Variants in AKAP6 observed in about 807,000 individuals in gnomAD.
The protein encoded by AKAP6 is A-kinase anchor protein 6.
In AKAP6, 58 loss-of-function variants were observed where a neutral mutation model predicts 188.5. The observed-to-expected ratio is 0.31, with a 90% CI of 0.25 to 0.38. The LOEUF is 0.38. Ranked by LOEUF, AKAP6 falls within the 10% of genes least tolerant of loss-of-function variation. AKAP6 has a pLI of 1.00. For synonymous variants in AKAP6, 989 were observed against 998.6 expected, an observed-to-expected ratio of 0.99 and a Z score of 0.18; for missense variants, 2,710 against 2,740.0, an observed-to-expected ratio of 0.99 and a Z score of 0.24.
intron 1 of AKAP6, among the ~76,000 whole-genome samples, chr14:32,338,525 T>A (rs983968604): frequency 3.3e-5 from 5 of 152,040 alleles, no homozygotes; most frequent in African/African-American, 9.7e-5. Flanking sequence ...GAGCAAGAGA[T>A]TAGTGGTAGG....
chr14:32,735,989 C>T (rs550063297), intron 11 of AKAP6, 107 bp downstream of exon 11: 161 of 814,830 alleles, frequency 2.0e-4, no homozygotes, highest in Non-Finnish European at 2.8e-4. Flanking sequence ...TATCACTGTG[C>T]ACCTAAATGT....
intron 7 of AKAP6, among the ~76,000 whole-genome samples, chr14:32,625,271 T>C (rs1017984838): frequency 6.6e-6 from 1 of 152,122 alleles, no homozygotes; most frequent in Non-Finnish European, 1.5e-5. Context: ...TTAAGCTCAA[T>C]TACACATCCA....
At chr14:32,769,949 T>C (rs909004697) in intron 11 of AKAP6, among the ~76,000 whole-genome samples, 1 of 152,188 alleles carries the variant, frequency 6.6e-6, no homozygotes, top group Non-Finnish European at 1.5e-5. Flanking sequence ...ATGCACATAT[T>C]TGATATATAA....
chr14:32,470,981 T>C (rs559739065), intron 2 of AKAP6, among the ~76,000 whole-genome samples: 21 of 152,338 alleles, frequency 1.4e-4, no homozygotes, highest in African/African-American at 4.8e-4. Context: ...ATACTTTAGA[T>C]ACATGAGGAT....
At chr14:32,558,782 C>T (rs1480957768) in intron 4 of AKAP6, among the ~76,000 whole-genome samples, 1 of 152,146 alleles carries the variant, frequency 6.6e-6, no homozygotes, top group Non-Finnish European at 1.5e-5. Flanking sequence ...CCACCAATAC[C>T]ATGTCTGCAT....
rs771212751 is a variant in AKAP6, at chr14:32,478,640, G to A, written c.324+44823G>A. Among the ~76,000 whole-genome samples, 7 of 152,182 alleles carry A rather than the reference G, an allele frequency of 4.6e-5. No homozygotes were observed. In the South Asian group the frequency reaches 8.3e-4, roughly 18 times the overall value. ...TGAAATATAGGTCTGCTCAAGGCTC[G>A]TCAGGGGAAAGAAGGTGAACATTCA... On this transcript the variant is annotated intron_variant, in intron 2 of 13. Transcript: ENST00000280979.
chr14:32,561,748 G>A lies in AKAP6; in HGVS notation c.2346+14749G>A, dbSNP rs539791224. ...AAGATGCCAAGAGACCAGGGCCAGT[G>A]GTGACAGTAAACAAGTGAGTTACCC... On this transcript the variant is annotated intron_variant, in intron 4 of 13. Coordinates refer to ENST00000280979, the MANE Select transcript of AKAP6 (RefSeq NM_004274.5). Among the ~76,000 whole-genome samples the A allele has an allele frequency of 9.4e-4, 143 of 152,300 alleles. 1 individual carries two copies. The highest frequency in any genetic ancestry group is 2.5e-3 in the African/African-American group (105 of 41,568).
At chr14:32,507,153 C>T (rs1241826840) in intron 2 of AKAP6, among the ~76,000 whole-genome samples, 2 of 152,124 alleles carry the variant, frequency 1.3e-5, no homozygotes, top group African/African-American at 2.4e-5. Flanking sequence ...CCAACAATTG[C>T]TTGTTATTTG....
chr14:32,443,505 C>T (rs1036732937), intron 2 of AKAP6, among the ~76,000 whole-genome samples: 1 of 152,202 alleles, frequency 6.6e-6, no homozygotes, highest in African/African-American at 2.4e-5. Context: ...ACCCAGACAT[C>T]AGTCTTTTAA....
chr14:32,424,846 T>G (rs1446738683), intron 1 of AKAP6, among the ~76,000 whole-genome samples: 1 of 152,244 alleles, frequency 6.6e-6, no homozygotes, highest in Non-Finnish European at 1.5e-5. Flanking sequence ...TTCTTTTCTA[T>G]GGCTGCATAG....
rs1201015892 is a variant in AKAP6 at position 32,546,717 on chromosome 14, G to C, written c.2064G>C (p.Lys688Asn). Residue 688 changes from lysine (K) to asparagine (N), a missense_variant, in exon 4 of 14, where the codon AAG (lysine) becomes AAC (asparagine). Transcript: ENST00000280979. ...TCTATCCAACCTATCATGTCAAAAAGAAGCATACAAGGCTAGGCAGGGTGT... is the reference window on the plus strand; with the variant it reads ...TCTATCCAACCTATCATGTCAAAAACAAGCATACAAGGCTAGGCAGGGTGT... ...SEIYPTYHVK[K>N]KHTRLGRVSP... 5 of 1,613,980 alleles carry C rather than the reference G, an allele frequency of 3.1e-6. No individual in the cohort carries two copies. In the East Asian group the frequency reaches 8.9e-5, roughly 29 times the overall value.
At chr14:32,615,695 A>G (rs1594784556) in intron 7 of AKAP6, among the ~76,000 whole-genome samples, 1 of 145,850 alleles carries the variant, frequency 6.9e-6, no homozygotes, top group African/African-American at 2.6e-5. Flanking sequence ...TCTCAGGTTC[A>G]CGCCATTCTC....
intron 7 of AKAP6, among the ~76,000 whole-genome samples, chr14:32,674,039 G>T: frequency 6.6e-6 from 1 of 152,242 alleles, no homozygotes; most frequent in East Asian, 1.9e-4. Context: ...TCTCTGAGAA[G>T]TAGCATATCA....
intron 12 of AKAP6, among the ~76,000 whole-genome samples, chr14:32,818,390 GTTTA>G (rs2034440046): frequency 6.6e-6 from 1 of 151,932 alleles, no homozygotes; most frequent in Non-Finnish European, 1.5e-5. Flanking sequence ...ATATAAAATG[GTTTA>G]TTATTTGCAT....
intron 11 of AKAP6, among the ~76,000 whole-genome samples, chr14:32,750,827 C>T (rs147863668): frequency 0.086 from 12,939 of 150,776 alleles, 577 homozygotes; most frequent in East Asian, 0.12. Context: ...ACTGCAAGCC[C>T]GGGTTCACCC....
chr14:32,676,407 G>T (rs1166841554), intron 7 of AKAP6, among the ~76,000 whole-genome samples: 1 of 151,984 alleles, frequency 6.6e-6, no homozygotes, highest in African/African-American at 2.4e-5. Flanking sequence ...AAACCTCTTA[G>T]TTGGCAGTCT....
chr14:32,482,973 C>CTG (rs141150013), intron 2 of AKAP6, among the ~76,000 whole-genome samples: 1 of 145,348 alleles, frequency 6.9e-6, no homozygotes, highest in Non-Finnish European at 1.5e-5. Flanking sequence ...GTGTGTGTGT[C>CTG]TGTGTGTGTG....
intron 12 of AKAP6, among the ~76,000 whole-genome samples, chr14:32,797,515 G>A (rs183277150): frequency 6.6e-6 from 1 of 152,322 alleles, no homozygotes; most frequent in Admixed American, 6.5e-5. Context: ...TGCAGGAACA[G>A]AAAACCAAAC....
chr14:32,337,727 C>T (rs1402370863), intron 1 of AKAP6, among the ~76,000 whole-genome samples: 1 of 142,850 alleles, frequency 7.0e-6, no homozygotes, highest in Non-Finnish European at 1.5e-5. Flanking sequence ...CCCCCCTCCC[C>T]CCACCCCACA....
Sources: gnomAD v4.1 joint callset for allele counts (sites outside exome capture counted in the v4.1 genomes callset) on GRCh38, gnomAD v4.1.1 for gene constraint, MANE v1.5 for transcripts, NCBI Gene and HGNC (gene_info 2026-07-23, HGNC 2026-07-21) for gene names.